KMT2C: variants seen among roughly 807,000 people sequenced by gnomAD.
KMT2C encodes the protein lysine methyltransferase 2C.
In KMT2C, 88 loss-of-function variants were observed where a neutral mutation model predicts 507.9. The observed-to-expected ratio is 0.17, with a 90% CI of 0.15 to 0.21. The LOEUF is 0.21. KMT2C is among the 10% of genes least tolerant of loss of function. The probability of loss-of-function intolerance (pLI) is 1.00; values close to 1 mark genes in which losing one functional copy is unlikely to be tolerated. For missense variants in KMT2C, 4,954 were observed against 5,957.8 expected (o/e 0.83, Z 5.55); for synonymous variants, 2,049 against 2,080.8 (o/e 0.98, Z 0.42).
intron 5 of KMT2C, among the ~76,000 whole-genome samples, chr7:152,311,505 CCCTTTAAAATTTTCT>C (rs936224517): frequency 6.6e-6 from 1 of 151,970 alleles, no homozygotes; most frequent in African/African-American, 2.4e-5. Flanking sequence ...TAAAATTTTC[CCCTTTAAAATTTTCT>C]CTTTTCTCAA....
intron 1 of KMT2C, among the ~76,000 whole-genome samples, chr7:152,433,148 GAA>G (rs755418091): frequency 9.9e-6 from 1 of 100,842 alleles, no homozygotes. Flanking sequence ...ACTTCGTCCA[GAA>G]AAAAAAAAAA....
At chr7:152,242,341 G>A (rs1005439027) in intron 14 of KMT2C, among the ~76,000 whole-genome samples, 1 of 152,012 alleles carries the variant, frequency 6.6e-6, no homozygotes, top group Non-Finnish European at 1.5e-5. Context: ...ACACACTAAT[G>A]CCTCCACCAG....
rs560184797 is a variant in KMT2C at position 152,225,721 on chromosome 7, C to T, written c.2977-1105G>A. Among the ~76,000 whole-genome samples, 10 of 152,256 alleles carry T rather than the reference C, an allele frequency of 6.6e-5. No homozygotes were observed. In the East Asian group the frequency reaches 1.7e-3, roughly 26 times the overall value. Reference sequence around the variant, plus strand: ...AAGTTTAAGGATGAGAACAACATACCTAGAAGCCACTGGCACATATCAGAG... The same window carrying T: ...AAGTTTAAGGATGAGAACAACATACTTAGAAGCCACTGGCACATATCAGAG... On this transcript the variant is annotated intron_variant, in intron 18 of 58. Coordinates refer to ENST00000262189, the MANE Select transcript of KMT2C (RefSeq NM_170606.3).
chr7:152,316,392 G>A (rs1230807359), intron 3 of KMT2C, among the ~76,000 whole-genome samples: 5 of 152,098 alleles, frequency 3.3e-5, no homozygotes, highest in African/African-American at 4.8e-5. Context: ...ACCTAAAAAT[G>A]CTCTAAGTCT....
intron 2 of KMT2C, among the ~76,000 whole-genome samples, chr7:152,331,459 A>G (rs939607034): frequency 9.2e-5 from 14 of 151,944 alleles, no homozygotes; most frequent in Admixed American, 7.9e-4. Flanking sequence ...TCTACAAAAA[A>G]TTAGCTAAGC....
At chr7:152,367,638 A>G (rs2097258278) in intron 1 of KMT2C, 3 of 1,423,316 alleles carry the variant, frequency 2.1e-6, no homozygotes, top group Non-Finnish European at 3.0e-6. Flanking sequence ...TGGACAATCC[A>G]AAGTTTTAAT....
chr7:152,392,924 G>A (rs2097511156), intron 1 of KMT2C, among the ~76,000 whole-genome samples: 1 of 152,100 alleles, frequency 6.6e-6, no homozygotes, highest in East Asian at 1.9e-4. Context: ...GTGATATCTT[G>A]TCTCTACTAA....
At chr7:152,412,602 C>G (rs1038355474) in intron 1 of KMT2C, among the ~76,000 whole-genome samples, 2 of 152,064 alleles carry the variant, frequency 1.3e-5, no homozygotes, top group African/African-American at 2.4e-5. Context: ...ATGAAGCTGG[C>G]CAAATGTATT....
chr7:152,177,653 C>T lies in KMT2C; in HGVS notation c.7800G>A (p.Pro2600=), dbSNP rs1191258031. The change falls in exon 38 of 59, where the codon CCG becomes CCA. Residue 2600 remains proline (P), a synonymous_variant. Transcript: ENST00000262189. ...GCATGGGGTCTGTGTGTCTAGGGCC[C>T]GGAAAGTCTGGCCGGGGAATGAAGT... is the stretch of plus-strand genomic sequence containing the variant. ...HGNFIPRPDF[P]GPRHTDPMRR... is the part of the protein sequence containing the mutation. 13 of 1,613,902 alleles carry T rather than the reference C, an allele frequency of 8.1e-6. No homozygotes were observed. The highest frequency in any genetic ancestry group is 4.5e-5 in the East Asian group (2 of 44,874).
Position 152,356,897 on chromosome 7 carries a change from G to GAATAATAAT in KMT2C, c.250+1681_250+1689dup, listed in dbSNP as rs55935930. 6.7e-3 allele frequency among the ~76,000 whole-genome samples: 932 copies of GAATAATAAT among 138,318 alleles called. 4 individuals carry two copies. Among genetic ancestry groups the GAATAATAAT allele is most frequent in the African/African-American group, 1.0e-2 (369 of 36,924 alleles). The allele number at this position is 138,318 out of a possible 152,430, so 90.7% of individuals were successfully genotyped here. ...CAAGAGTGAGACTCCAACTCAAAAAGAATAATAATAATAATAATAATAATA... is the reference window on the plus strand; with the variant it reads ...CAAGAGTGAGACTCCAACTCAAAAAGAATAATAATAATAATAATAATAATAATAATAATA... On this transcript the variant is annotated intron_variant, in intron 2 of 58. Coordinates refer to ENST00000262189, the MANE Select transcript of KMT2C (RefSeq NM_170606.3).
intron 43 of KMT2C, 38 bp downstream of exon 43, chr7:152,162,078 CA>C (rs2092483918): frequency 6.7e-7 from 1 of 1,495,266 alleles, no homozygotes; most frequent in African/African-American, 1.4e-5. Flanking sequence ...TAATTTAAAA[CA>C]AAAGAAAAAA....
At chr7:152,275,416 C>T (rs1287868800) in intron 6 of KMT2C, among the ~76,000 whole-genome samples, 5 of 152,056 alleles carry the variant, frequency 3.3e-5, no homozygotes, top group African/African-American at 9.7e-5. Flanking sequence ...TGGTGGCGGG[C>T]GCCTGTAGTC....
rs73728771 is a variant in KMT2C, at chr7:152,192,076, C to A, written c.4660+1933G>T. Among the ~76,000 whole-genome samples, 1,372 of 151,662 alleles carry A rather than the reference C, an allele frequency of 9.0e-3. 31 individuals carry two copies. The highest frequency in any genetic ancestry group is 0.032 in the African/African-American group (1,323 of 41,426). On this transcript the variant is annotated intron_variant, in intron 31 of 58. Transcript: ENST00000262189. ...GAAAAAGAAGTCATCCTCCCAAGAC[C>A]TTTTAAAAATGAGACTGCACAATGA...
chr7:152,435,754 C>A lies in KMT2C; in HGVS notation c.33G>T (p.Gln11His). Reference protein sequence around the residue: MSSEEDKSVEQPQPPPPPPEE... With the variant: MSSEEDKSVEHPQPPPPPPEE... ...CGGGGGGTGGTGGCGGCGGCTGCGG[C>A]TGCTCCACGCTCTTGTCCTCCTCCG... Residue 11 changes from glutamine (Q) to histidine (H), a missense_variant, in exon 1 of 59, where the codon CAG (glutamine) becomes CAT (histidine). This residue lies in a region of KMT2C where 51 missense variants were observed against 43.5 expected (regional missense o/e 1.17). Coordinates refer to ENST00000262189, the MANE Select transcript of KMT2C (RefSeq NM_170606.3). The A allele has an allele frequency of 6.6e-7, 1 of 1,513,712 alleles. No individual in the cohort carries two copies. 93.8% of individuals were successfully genotyped at this position (1,513,712 alleles called of 1,614,324 possible).
chr7:152,301,072 A>T (rs1161466931), intron 6 of KMT2C, among the ~76,000 whole-genome samples: 2 of 151,358 alleles, frequency 1.3e-5, no homozygotes, highest in African/African-American at 4.9e-5. Flanking sequence ...AAAGAAAAAA[A>T]CTATAAAGGG....
chr7:152,414,850 C>CT (rs375210399), intron 1 of KMT2C, among the ~76,000 whole-genome samples: 479 of 140,050 alleles, frequency 3.4e-3, no homozygotes, highest in South Asian at 8.1e-3. Flanking sequence ...TACTTTCTTT[C>CT]TTTTTTTTTT....
chr7:152,375,157 C>T (rs2097318852), intron 1 of KMT2C, among the ~76,000 whole-genome samples: 1 of 152,172 alleles, frequency 6.6e-6, no homozygotes, highest in Admixed American at 6.5e-5. Flanking sequence ...GTTCTCCTGC[C>T]TCAGCCTCAT....
chr7:152,169,747 C>T (rs1205657867), intron 40 of KMT2C, among the ~76,000 whole-genome samples: 1 of 152,132 alleles, frequency 6.6e-6, no homozygotes, highest in Non-Finnish European at 1.5e-5. Context: ...TTTCTACACA[C>T]GCCTGTAGTC....
chr7:152,312,800 C>A (rs935825596), intron 4 of KMT2C, among the ~76,000 whole-genome samples: 2 of 152,120 alleles, frequency 1.3e-5, no homozygotes, highest in African/African-American at 2.4e-5. Flanking sequence ...ATGACTACCA[C>A]TAAAACTTAA....
Sources: allele counts gnomAD v4.1 joint callset (sites outside exome capture counted in the v4.1 genomes callset), GRCh38; gene constraint gnomAD v4.1.1; regional missense constraint gnomAD v4.1.1; transcripts MANE v1.5; gene names NCBI Gene and HGNC (gene_info 2026-07-23, HGNC 2026-07-21).